The following ZFP82 variants were observed in gnomAD, a reference collection of about 807,000 sequenced individuals.
The protein encoded by ZFP82 is ZFP82 zinc finger protein.
A neutral mutation model predicts 54.0 loss-of-function variants in ZFP82; 30 were observed. The observed-to-expected ratio is 0.56, with a 90% CI of 0.42 to 0.75. ZFP82 has a LOEUF of 0.75. Ranked by LOEUF, ZFP82 falls within the 30% of genes least tolerant of loss-of-function variation. The pLI is 0.00. For missense variants in ZFP82, 500 were observed against 636.8 expected, an observed-to-expected ratio of 0.79 and a Z score of 2.31; for synonymous variants, 194 against 209.5, an observed-to-expected ratio of 0.93 and a Z score of 0.64.
chr19:36,402,723 C>T (rs1271034599), intron 4 of ZFP82, among the ~76,000 whole-genome samples: 2 of 152,074 alleles, frequency 1.3e-5, no homozygotes, highest in Non-Finnish European at 2.9e-5. Context: ...TGGCCGGGTG[C>T]GGTGGCTCAC....
At chr19:36,410,657 C>T (rs2032563710) in intron 1 of ZFP82, among the ~76,000 whole-genome samples, 1 of 151,960 alleles carries the variant, frequency 6.6e-6, no homozygotes, top group Non-Finnish European at 1.5e-5. Context: ...CACGCACCAC[C>T]ACGCCTGGCT....
intron 4 of ZFP82, among the ~76,000 whole-genome samples, chr19:36,396,573 G>A (rs918517489): frequency 1.3e-4 from 20 of 152,056 alleles, no homozygotes; most frequent in Middle Eastern, 3.4e-3. Flanking sequence ...GGAGAATGGC[G>A]TGAACCTGGG....
At position 36,409,827 on chromosome 19, in the gene ZFP82, G is replaced by T. The variant is rs1402090903; in HGVS notation, c.-38C>A. On this transcript the variant is annotated 5_prime_UTR_variant, in exon 2 of 5. Transcript: ENST00000392161. ...CAAGAACTGGTCAGTCCTCCTTGGG[G>T]TTTACTTGCCAGGAGAAGCACCGAG... The T allele has an allele frequency of 7.4e-6, 12 of 1,613,272 alleles. No individual in the cohort carries two copies. Among genetic ancestry groups the T allele is most frequent in the Non-Finnish European group, 9.3e-6 (11 of 1,179,568 alleles).
At chr19:36,398,954 A>T (rs1273987087) in intron 4 of ZFP82, among the ~76,000 whole-genome samples, 5 of 152,308 alleles carry the variant, frequency 3.3e-5, no homozygotes, top group Middle Eastern at 3.4e-3. Context: ...CAACATAATT[A>T]AAAAATCAGA....
chr19:36,393,147 T>G lies in ZFP82; in HGVS notation c.1193A>C (p.Glu398Ala). 1 of 1,614,024 alleles carries G rather than the reference T, an allele frequency of 6.2e-7. No individual in the cohort carries two copies. The highest frequency in any genetic ancestry group is 8.5e-7 in the Non-Finnish European group (1 of 1,179,954). The part of the protein sequence containing the change: ...HTGEKPYECK[E>A]CWKAFSRYSQ... ...GTAGCGACTAAAGGCTTTCCAGCAT[T>G]CCTTACATTCGTAAGGTTTTTCACC... Residue 398 changes from glutamate (E) to alanine (A), a missense_variant, in exon 5 of 5, where the codon GAA (glutamate) becomes GCA (alanine). Transcript: ENST00000392161.
Position 36,390,528 on chromosome 19 carries a change from T to G in ZFP82, c.*2213A>C, listed in dbSNP as rs2032179339. The G allele has an allele frequency of 6.6e-6, 1 of 152,118 alleles. No homozygotes were observed. Among genetic ancestry groups the G allele is most frequent in the Admixed American group, 6.5e-5 (1 of 15,274 alleles). 9.4% of individuals were successfully genotyped at this position (152,118 alleles called of 1,614,324 possible). On this transcript the variant is annotated 3_prime_UTR_variant, in exon 5 of 5. Coordinates refer to ENST00000392161, the MANE Select transcript of ZFP82 (RefSeq NM_133466.4). Reference sequence around the variant, plus strand: ...TCAGTTTTGGGGGAGCCAAGAAAACTTCACAGGTGTCCACTGTGTGTATCC... The same window carrying G: ...TCAGTTTTGGGGGAGCCAAGAAAACGTCACAGGTGTCCACTGTGTGTATCC...
At chr19:36,383,790 C>T (rs2145572137), downstream of ZFP82, 1 of 152,040 alleles carries the variant, frequency 6.6e-6, no homozygotes, top group South Asian at 2.1e-4. Context: ...AAGGTAAGTC[C>T]ATTTATAACA....
chr19:36,393,388 C>CCTT lies in ZFP82; in HGVS notation c.949_951dup (p.Lys317dup), dbSNP rs1320969450. 1 of 1,613,904 alleles carries CCTT rather than the reference C, an allele frequency of 6.2e-7. No homozygotes were observed. The highest frequency in any genetic ancestry group is 1.3e-5 in the African/African-American group (1 of 74,846). ...CTAAGACCAGAGCCACACAAAAAGG[C>CCTT]CTTCCCACATTCTTTGCATTCATAG... On this transcript the variant is annotated inframe_insertion, in exon 5 of 5. Coordinates refer to ENST00000392161, the MANE Select transcript of ZFP82 (RefSeq NM_133466.4).
At chr19:36,403,128 C>A (rs1003426184) in intron 4 of ZFP82, among the ~76,000 whole-genome samples, 1 of 151,528 alleles carries the variant, frequency 6.6e-6, no homozygotes, top group Admixed American at 6.6e-5. Flanking sequence ...GGTGACAGAG[C>A]AAGACTCCGT....
At chr19:36,403,576 C>T (rs1291350944) in intron 4 of ZFP82, among the ~76,000 whole-genome samples, 1 of 149,460 alleles carries the variant, frequency 6.7e-6, no homozygotes, top group Non-Finnish European at 1.5e-5. Flanking sequence ...GCCAAGATCA[C>T]GCCACTGCAC....
chr19:36,397,340 G>A (rs199706227), intron 4 of ZFP82, among the ~76,000 whole-genome samples: 1 of 151,906 alleles, frequency 6.6e-6, no homozygotes. Flanking sequence ...TGACCCACCC[G>A]CCTCGGCCTC....
chr19:36,408,557 C>A (rs1489801039), intron 2 of ZFP82, among the ~76,000 whole-genome samples: 1 of 152,188 alleles, frequency 6.6e-6, no homozygotes, highest in African/African-American at 2.4e-5. Context: ...CAGTGGCTCA[C>A]ACCTGTAATC....
At chr19:36,412,072 GAAAC>G (rs2145599539) in intron 1 of ZFP82, among the ~76,000 whole-genome samples, 1 of 44,988 alleles carries the variant, frequency 2.2e-5, no homozygotes, top group African/African-American at 5.8e-5. Flanking sequence ...AGACGTGAGA[GAAAC>G]AGAGAGAGAG....
At chr19:36,402,890 G>T (rs1405448552) in intron 4 of ZFP82, among the ~76,000 whole-genome samples, 1 of 152,070 alleles carries the variant, frequency 6.6e-6, no homozygotes, top group African/African-American at 2.4e-5. Context: ...TGTAATCCCA[G>T]CACTTTGGGA....
Position 36,407,182 on chromosome 19 carries a change from T to C in ZFP82, c.136+705A>G, listed in dbSNP as rs370120831. On this transcript the variant is annotated intron_variant, in intron 3 of 4. Coordinates refer to ENST00000392161, the MANE Select transcript of ZFP82 (RefSeq NM_133466.4). ...AGCTCCGCCTCCCGGGTTCACGCCA[T>C]TCTCCTGCCTCAGCCTCCCAAGTAG... is the stretch of plus-strand genomic sequence containing the variant. Among the ~76,000 whole-genome samples the C allele has an allele frequency of 8.7e-5, 13 of 149,372 alleles. No homozygotes were observed. In the East Asian group the frequency reaches 2.6e-3, roughly 30 times the overall value.
chr19:36,384,506 T>C (rs1339370380), downstream of ZFP82: 1 of 152,226 alleles, frequency 6.6e-6, no homozygotes, highest in African/African-American at 2.4e-5. Context: ...TGAATTACAC[T>C]GAGTTAAATA....
chr19:36,414,459 G>C (rs1268373288), intron 1 of ZFP82, among the ~76,000 whole-genome samples: 1 of 151,250 alleles, frequency 6.6e-6, no homozygotes, highest in East Asian at 2.0e-4. Context: ...TGCCTCCCGG[G>C]TTCAAGTGAT....
rs1451628456 is a variant in ZFP82 at position 36,392,700 on chromosome 19, T to C, written c.*41A>G. Reference sequence around the variant, plus strand: ...GGAGCAAAATAGATTAATTACTACATTCATAGAATGTTCTATAACACAGAA... The same window carrying C: ...GGAGCAAAATAGATTAATTACTACACTCATAGAATGTTCTATAACACAGAA... On this transcript the variant is annotated 3_prime_UTR_variant, in exon 5 of 5. Coordinates refer to ENST00000392161, the MANE Select transcript of ZFP82 (RefSeq NM_133466.4). 3 of 1,493,528 alleles carry C rather than the reference T, an allele frequency of 2.0e-6. No individual in the cohort carries two copies. The African/African-American group carries it at 4.2e-5, about 21-fold the overall frequency. 92.5% of individuals were successfully genotyped at this position (1,493,528 alleles called of 1,614,324 possible).
Position 36,418,123 on chromosome 19 carries a change from G to C in ZFP82, c.-79+369C>G, listed in dbSNP as rs547661858. ...GTACAGATGGGAGTTTCGCTTTGCT[G>C]CCCAGGCTGGTCTCGAACTCCTGGC... is the stretch of plus-strand genomic sequence containing the variant. On this transcript the variant is annotated intron_variant, in intron 1 of 4. Transcript: ENST00000392161. 4.0e-3 allele frequency among the ~76,000 whole-genome samples: 605 copies of C among 151,960 alleles called. 3 individuals carry two copies. Among genetic ancestry groups the C allele is most frequent in the Non-Finnish European group, 6.1e-3 (415 of 67,982 alleles).
Sources: gnomAD v4.1 joint callset for allele counts (sites outside exome capture counted in the v4.1 genomes callset) on GRCh38, gnomAD v4.1.1 for gene constraint, MANE v1.5 for transcripts, NCBI Gene and HGNC (gene_info 2026-07-23, HGNC 2026-07-21) for gene names.